The following S100A8 variants were observed in gnomAD, a reference collection of about 807,000 sequenced individuals.
The protein encoded by S100A8 is S100 calcium binding protein A8.
S100A8 carries 1 observed loss-of-function variant against 4.2 expected under a neutral mutation model. That is an observed-to-expected ratio of 0.24 (90% CI 0.08 to 1.12). The LOEUF (loss-of-function observed/expected upper bound fraction) is 1.12, where lower values mean the gene tolerates loss of function less well. Ranked by LOEUF, S100A8 falls within the 50% of genes most tolerant of loss-of-function variation. The pLI is 0.53. For synonymous variants in S100A8, 41 were observed against 44.7 expected, an observed-to-expected ratio of 0.92 and a Z score of 0.33; for missense variants, 96 against 111.8, an observed-to-expected ratio of 0.86 and a Z score of 0.64.
At chr1:153,418,985 C>T in the S100A8 span, among the ~76,000 whole-genome samples, 1 of 152,144 alleles carries the variant, frequency 6.6e-6, no homozygotes, top group Non-Finnish European at 1.5e-5. Context: ...CACTCACGTC[C>T]TCACCCCAAC....
the S100A8 span, among the ~76,000 whole-genome samples, chr1:153,399,179 C>T: frequency 2.0e-5 from 3 of 152,128 alleles, no homozygotes; most frequent in Admixed American, 6.5e-5. Context: ...CTGTGTGAGC[C>T]GCGAACCCAC....
the S100A8 span, among the ~76,000 whole-genome samples, chr1:153,402,698 A>G: frequency 1.3e-5 from 2 of 152,196 alleles, no homozygotes; most frequent in African/African-American, 4.8e-5. Flanking sequence ...AGTTCTCCCA[A>G]ACGTAACCTA....
At chr1:153,422,451 A>G in the S100A8 span, 2 of 911,980 alleles carry the variant, frequency 2.2e-6, no homozygotes, top group Non-Finnish European at 1.3e-6. Flanking sequence ...GGAATAATTA[A>G]TAGCTACTGG....
chr1:153,390,693 C>T (rs1376642214), intron 1 of S100A8, 136 bp from the exon 2 acceptor site: 1 of 1,102,212 alleles, frequency 9.1e-7, no homozygotes, highest in Non-Finnish European at 1.3e-6. Context: ...CAGCAGATGG[C>T]TATGGCTCTG....
intron 1 of S100A8, 143 bp downstream of exon 1, chr1:153,390,898 G>T: frequency 3.8e-6 from 2 of 524,568 alleles, no homozygotes; most frequent in Non-Finnish European, 5.1e-6. Context: ...CCTTATCCCT[G>T]CCTCACTCCC....
Position 153,390,243 on chromosome 1 carries a change from T to C in S100A8, c.142A>G (p.Lys48Glu). The C allele has an allele frequency of 6.2e-7, 1 of 1,609,006 alleles. No individual in the cohort carries two copies. The highest frequency in any genetic ancestry group is 8.5e-7 in the Non-Finnish European group (1 of 1,176,992). ...TTGAACCAGACGTCTGCACCCTTTT[T>C]CTGTCAAGATTGAGGAGGAAGAAGC... ...LETECPQYIR[K>E]KGADVWFKEL... The change falls in exon 3 of 3, where the codon AAA becomes GAA. Residue 48 changes from lysine to glutamate, a missense_variant and splice_region_variant. Physicochemically the swap from Lys to Glu is moderately conservative, Grantham distance 56. Transcript: ENST00000368733.
the S100A8 span, among the ~76,000 whole-genome samples, chr1:153,416,782 C>T: frequency 6.6e-6 from 1 of 152,348 alleles, no homozygotes; most frequent in Non-Finnish European, 1.5e-5. Context: ...CCTTTGGGAT[C>T]TCCTGAGACA....
the S100A8 span, chr1:153,418,046 A>G: frequency 6.2e-6 from 10 of 1,612,182 alleles, no homozygotes; most frequent in Admixed American, 5.0e-5. Flanking sequence ...GTAAGAAATG[A>G]TTGTCTTTAT....
the S100A8 span, among the ~76,000 whole-genome samples, chr1:153,406,370 C>T: frequency 6.6e-6 from 1 of 152,060 alleles, no homozygotes; most frequent in African/African-American, 2.4e-5. Context: ...GAAGGCTTCA[C>T]AGAGAAAGTG....
At chr1:153,411,612 C>T in the S100A8 span, among the ~76,000 whole-genome samples, 1 of 152,134 alleles carries the variant, frequency 6.6e-6, no homozygotes, top group Non-Finnish European at 1.5e-5. Context: ...ACTTTCTTCA[C>T]AGAATTGGGA....
At chr1:153,395,187 T>C (rs1344493985), upstream of S100A8, among the ~76,000 whole-genome samples, 1 of 152,042 alleles carries the variant, frequency 6.6e-6, no homozygotes, top group Non-Finnish European at 1.5e-5. Flanking sequence ...CATCATGTTG[T>C]AGAAAAAAAC....
the S100A8 span, among the ~76,000 whole-genome samples, chr1:153,397,077 C>T: frequency 3.9e-5 from 6 of 152,360 alleles, no homozygotes; most frequent in South Asian, 2.1e-4. Flanking sequence ...GCATCCCAGA[C>T]GACTTCGCAT....
chr1:153,416,079 T>C, the S100A8 span, among the ~76,000 whole-genome samples: 1 of 152,104 alleles, frequency 6.6e-6, no homozygotes, highest in African/African-American at 2.4e-5. Flanking sequence ...GCAGCAGGTG[T>C]CTTGATGTCT....
the S100A8 span, chr1:153,418,291 T>C: frequency 1.9e-6 from 3 of 1,602,574 alleles, no homozygotes; most frequent in African/African-American, 2.7e-5. Context: ...TTTTGCTATG[T>C]GGCCTTGGAC....
At chr1:153,407,557 C>G in the S100A8 span, among the ~76,000 whole-genome samples, 1 of 152,230 alleles carries the variant, frequency 6.6e-6, no homozygotes, top group Non-Finnish European at 1.5e-5. Context: ...CATAGCTGAA[C>G]AAAAGGCAGC....
upstream of S100A8, among the ~76,000 whole-genome samples, chr1:153,394,228 G>A (rs1334820057): frequency 1.3e-5 from 2 of 152,206 alleles, no homozygotes; most frequent in Non-Finnish European, 2.9e-5. Flanking sequence ...TGAGGACAGA[G>A]CAGGCAGAGC....
the S100A8 span, chr1:153,418,119 A>G: frequency 6.2e-7 from 1 of 1,614,194 alleles, no homozygotes; most frequent in Non-Finnish European, 8.5e-7. Flanking sequence ...CATAATAGGC[A>G]TGATCGACAT....
At chr1:153,411,265 AAGCAACTTC>A in the S100A8 span, among the ~76,000 whole-genome samples, 4 of 152,216 alleles carry the variant, frequency 2.6e-5, no homozygotes, top group Non-Finnish European at 5.9e-5. Flanking sequence ...TTAAGCTGAT[AAGCAACTTC>A]AGCAAAGTCT....
At chr1:153,408,200 C>T in the S100A8 span, among the ~76,000 whole-genome samples, 1 of 152,106 alleles carries the variant, frequency 6.6e-6, no homozygotes, top group African/African-American at 2.4e-5. Context: ...TTTGTTCAAA[C>T]CCATCGCAAA....
Sources: gnomAD v4.1 joint callset for allele counts (sites outside exome capture counted in the v4.1 genomes callset) on GRCh38, gnomAD v4.1.1 for gene constraint, MANE v1.5 for transcripts, NCBI Gene and HGNC (gene_info 2026-07-23, HGNC 2026-07-21) for gene names.